ANGPT2: variants seen among roughly 807,000 people sequenced by gnomAD.
The protein encoded by ANGPT2 is angiopoietin 2, also known as angiopoietin-2.
ANGPT2 carries 28 observed loss-of-function variants against 62.9 expected under a neutral mutation model. The ratio of observed to expected loss-of-function variants is 0.44; its 90% CI spans 0.33 to 0.61. The LOEUF (loss-of-function observed/expected upper bound fraction) is 0.61, where lower values mean the gene tolerates loss of function less well. Ranked by LOEUF, ANGPT2 falls within the 20% of genes least tolerant of loss-of-function variation. The pLI is 0.03. For missense variants in ANGPT2, 727 were observed against 594.9 expected, an observed-to-expected ratio of 1.22 and a Z score of -2.31; for synonymous variants, 284 against 207.8, an observed-to-expected ratio of 1.37 and a Z score of -3.15.
At chr8:6,514,588 T>A in intron 6 of ANGPT2, 89 bp downstream of exon 6, 1 of 1,154,860 alleles carries the variant, frequency 8.7e-7, no homozygotes, top group East Asian at 2.4e-5. Flanking sequence ...CATTGGTTAG[T>A]TTGGGATTGG....
intron 2 of ANGPT2, among the ~76,000 whole-genome samples, chr8:6,530,458 G>A (rs201026966): frequency 1.4e-5 from 2 of 142,870 alleles, no homozygotes; most frequent in African/African-American, 5.2e-5. Flanking sequence ...GCAGCAAGTC[G>A]AGATCACACC....
chr8:6,532,912 C>T (rs1001562122), intron 1 of ANGPT2, among the ~76,000 whole-genome samples: 6 of 152,198 alleles, frequency 3.9e-5, no homozygotes, highest in Admixed American at 6.5e-5. Context: ...CTATTTCTCT[C>T]ACATTCTAGA....
intron 1 of ANGPT2, 75 bp downstream of exon 1, chr8:6,562,572 G>GTTTTTAAAAAATGA: frequency 2.3e-5 from 1 of 42,834 alleles, no homozygotes; most frequent in Non-Finnish European, 4.8e-5. Flanking sequence ...TTTTTTTTTT[G>GTTTTTAAAAAATGA]GTTGTTAAAA....
chr8:6,510,377 T>C (rs1814799685), intron 7 of ANGPT2, among the ~76,000 whole-genome samples: 1 of 152,190 alleles, frequency 6.6e-6, no homozygotes, highest in South Asian at 2.1e-4. Context: ...AGAAGTGTAC[T>C]TGAAGCACCA....
rs542443092 is a variant in ANGPT2, at chr8:6,500,945, A to G, written c.*2156T>C. 9.8e-5 allele frequency: 15 copies of G among 152,328 alleles called. No individual in the cohort carries two copies. Among genetic ancestry groups the G allele is most frequent in the Non-Finnish European group, 2.2e-4 (15 of 68,034 alleles). The allele number at this position is 152,328 out of a possible 1,614,324, so 9.4% of individuals were successfully genotyped here. A position where few individuals can be genotyped will look rare whatever the true frequency, so the allele number is the denominator to read the frequency against. On this transcript the variant is annotated 3_prime_UTR_variant, in exon 9 of 9. Transcript: ENST00000629816. ...TTCCTGCATTAGCGTTTCCCTACCTAAGTATCCATCACTCTTGTCATTGAG... is the reference window on the plus strand; with the variant it reads ...TTCCTGCATTAGCGTTTCCCTACCTGAGTATCCATCACTCTTGTCATTGAG...
chr8:6,552,421 C>A (rs1438723571), intron 1 of ANGPT2, among the ~76,000 whole-genome samples: 1 of 152,166 alleles, frequency 6.6e-6, no homozygotes, highest in Non-Finnish European at 1.5e-5. Flanking sequence ...TTACGATGGT[C>A]CTTTTCATTG....
rs1210952781 is a variant in ANGPT2, at chr8:6,523,007, T to C, written c.567-1597A>G. On this transcript the variant is annotated intron_variant, in intron 3 of 8. Transcript: ENST00000629816. ...CAAGCCCTTGAAAAGTTTTTTTTTT[T>C]CTTTTTTTGAGATGGAGTCTCGCTC... Among the ~76,000 whole-genome samples, 3 of 152,062 alleles carry C rather than the reference T, an allele frequency of 2.0e-5. No homozygotes were observed. The East Asian group carries it at 5.8e-4, about 29-fold the overall frequency.
At chr8:6,547,933 T>C (rs1822907895) in intron 1 of ANGPT2, among the ~76,000 whole-genome samples, 1 of 151,808 alleles carries the variant, frequency 6.6e-6, no homozygotes, top group Admixed American at 6.6e-5. Flanking sequence ...ACTTCTCTAG[T>C]TTGGGTTATG....
intron 7 of ANGPT2, among the ~76,000 whole-genome samples, chr8:6,511,304 T>A (rs1001469527): frequency 1.3e-5 from 2 of 152,002 alleles, no homozygotes; most frequent in African/African-American, 4.8e-5. Flanking sequence ...TTTTTTTCAA[T>A]CTCTGCAGCT....
At position 6,502,533 on chromosome 8, in the gene ANGPT2, A is replaced by C. The variant is rs1812397452; in HGVS notation, c.*568T>G. The stretch of plus-strand genomic sequence containing the variant: ...GAAATAAAAATTTAAAGCACCTAAG[A>C]GATGGAGTAAAAATGCACTAACTGT... On this transcript the variant is annotated 3_prime_UTR_variant, in exon 9 of 9. Coordinates refer to ENST00000629816, the MANE Select transcript of ANGPT2 (RefSeq NM_001118887.2). 1 of 152,262 alleles carries C rather than the reference A, an allele frequency of 6.6e-6. No individual in the cohort carries two copies. Among genetic ancestry groups the C allele is most frequent in the Non-Finnish European group, 1.5e-5 (1 of 68,054 alleles). The allele number at this position is 152,262 out of a possible 1,614,324, so 9.4% of individuals were successfully genotyped here.
intron 8 of ANGPT2, among the ~76,000 whole-genome samples, chr8:6,505,693 A>T (rs1197551884): frequency 9.7e-6 from 1 of 103,242 alleles, no homozygotes; most frequent in African/African-American, 3.0e-5. Context: ...TATAGAATAT[A>T]TGTATTCTTT....
intron 1 of ANGPT2, among the ~76,000 whole-genome samples, chr8:6,544,589 AG>A (rs1294275559): frequency 5.4e-4 from 82 of 152,074 alleles, no homozygotes; most frequent in African/African-American, 1.8e-3. Flanking sequence ...CATGTATTGG[AG>A]GGGGAGAGGG....
At chr8:6,561,198 C>T (rs1318808003) in intron 1 of ANGPT2, among the ~76,000 whole-genome samples, 5 of 152,226 alleles carry the variant, frequency 3.3e-5, no homozygotes, top group African/African-American at 1.2e-4. Context: ...AAGCAAACCA[C>T]AGTGACCTGG....
rs1369161345 is a variant in ANGPT2, at chr8:6,499,635, CTTG to C, written c.*3463_*3465del. On this transcript the variant is annotated 3_prime_UTR_variant, in exon 9 of 9. Transcript: ENST00000629816. ...CTCATGAGAATAATGACTCAGATTT[CTTG>C]TTATCGTGAGACTTTTTCTCAATCA... 2.2e-5 allele frequency: 11 copies of C among 501,406 alleles called. No homozygotes were observed. The highest frequency in any genetic ancestry group is 1.2e-4 in the African/African-American group (6 of 52,124). 31.1% of individuals were successfully genotyped at this position (501,406 alleles called of 1,614,324 possible).
rs940792343 is a variant in ANGPT2, at chr8:6,502,106, A to G, written c.*995T>C. Reference sequence around the variant, plus strand: ...GTCTAGTTCTATAAAAATATATCTTACTAGGAAAGAAAACAGACCTCTGTT... The same window carrying G: ...GTCTAGTTCTATAAAAATATATCTTGCTAGGAAAGAAAACAGACCTCTGTT... On this transcript the variant is annotated 3_prime_UTR_variant, in exon 9 of 9. Transcript: ENST00000629816. 3 of 152,142 alleles carry G rather than the reference A, an allele frequency of 2.0e-5. No individual in the cohort carries two copies. The highest frequency in any genetic ancestry group is 2.9e-5 in the Non-Finnish European group (2 of 68,020). 9.4% of individuals were successfully genotyped at this position (152,142 alleles called of 1,614,324 possible). A position where few individuals can be genotyped will look rare whatever the true frequency, so the allele number is the denominator to read the frequency against.
rs1362169846 is a variant in ANGPT2, at chr8:6,562,665, G to A, written c.270C>T (p.Asn90=). The A allele has an allele frequency of 1.3e-6, 2 of 1,557,692 alleles. No homozygotes were observed. The highest frequency in any genetic ancestry group is 1.8e-6 in the Non-Finnish European group (2 of 1,141,850). The change falls in exon 1 of 9, where the codon AAC becomes AAT. Residue 90 remains asparagine, a synonymous_variant. Coordinates refer to ENST00000629816, the MANE Select transcript of ANGPT2 (RefSeq NM_001118887.2). ...LQVLENIMEN[N]TQWLMKLENY... is the part of the protein sequence containing the mutation. ...TTCCTACCTTCATTAGCCACTGAGTGTTGTTTTCCATGATGTTCTCCAGCA... is the reference window on the plus strand; with the variant it reads ...TTCCTACCTTCATTAGCCACTGAGTATTGTTTTCCATGATGTTCTCCAGCA...
At chr8:6,549,541 T>G (rs184812113) in intron 1 of ANGPT2, among the ~76,000 whole-genome samples, 77 of 118,470 alleles carry the variant, frequency 6.5e-4, no homozygotes, top group African/African-American at 1.2e-3. Flanking sequence ...GGTGCGCACA[T>G]ATATGGATGA....
At chr8:6,506,914 T>G (rs76922110) in intron 8 of ANGPT2, among the ~76,000 whole-genome samples, 1 of 152,184 alleles carries the variant, frequency 6.6e-6, no homozygotes, top group Non-Finnish European at 1.5e-5. Context: ...TTTTTTTTTT[T>G]GAGACGGAGT....
intron 1 of ANGPT2, among the ~76,000 whole-genome samples, chr8:6,558,983 C>G (rs947782624): frequency 3.3e-5 from 5 of 151,998 alleles, no homozygotes; most frequent in Non-Finnish European, 7.4e-5. Flanking sequence ...GTGAAACTGT[C>G]TCTTCTACAT....
Sources: gnomAD v4.1 joint callset for allele counts (sites outside exome capture counted in the v4.1 genomes callset) on GRCh38, gnomAD v4.1.1 for gene constraint, MANE v1.5 for transcripts, NCBI Gene and HGNC (gene_info 2026-07-23, HGNC 2026-07-21) for gene names.